Variants in SLC30A3 observed in about 807,000 individuals in gnomAD.
The protein encoded by SLC30A3 is probable proton-coupled zinc antiporter SLC30A3.
Under a neutral mutation model 35.6 loss-of-function variants are expected in SLC30A3, and 20 were observed. That is an observed-to-expected ratio of 0.56 (90% CI 0.39 to 0.82). SLC30A3 has a LOEUF of 0.82. SLC30A3 is among the 40% of genes least tolerant of loss of function. The pLI, the probability that SLC30A3 is intolerant of heterozygous loss-of-function variation, is 0.00. For synonymous variants in SLC30A3, 217 were observed against 224.7 expected (o/e 0.97, Z 0.31); for missense variants, 401 against 530.6 (o/e 0.76, Z 2.40).
upstream of SLC30A3, chr2:27,263,065 A>T (rs1403564697): frequency 7.4e-7 from 1 of 1,359,292 alleles, no homozygotes; most frequent in Non-Finnish European, 9.4e-7. Context: ...GCGGAGTCCG[A>T]ACTGCAGATC....
chr2:27,272,584 C>T (rs1677772590), intron 1 of SLC30A3, among the ~76,000 whole-genome samples: 1 of 151,374 alleles, frequency 6.6e-6, no homozygotes, highest in Admixed American at 6.6e-5. Context: ...ACCTCCGCCA[C>T]ACCCAGCTAA....
chr2:27,260,990 T>G (rs1260698770), intron 1 of SLC30A3, among the ~76,000 whole-genome samples: 1 of 151,972 alleles, frequency 6.6e-6, no homozygotes, highest in African/African-American at 2.4e-5. Context: ...TAAGGACAGG[T>G]TGATGCTAGG....
In SLC30A3 at chr2:27,255,563, C is replaced by A; in HGVS notation, c.1019-103G>T. The A allele has an allele frequency of 1.3e-5, 17 of 1,278,608 alleles. No individual in the cohort carries two copies. Among genetic ancestry groups the A allele is most frequent in the Non-Finnish European group, 1.4e-5 (13 of 910,452 alleles). 79.2% of individuals were successfully genotyped at this position (1,278,608 alleles called of 1,614,324 possible). A position where few individuals can be genotyped will look rare whatever the true frequency, so the allele number is the denominator to read the frequency against. On this transcript the variant is annotated intron_variant, in intron 7 of 7. Transcript: ENST00000233535. This position sits in a 1 kb window ranked among gnomAD's most constrained non-coding sequence, Gnocchi z 5.2. Reference sequence around the variant, plus strand: ...GGGGCTGCACAGCATTAAAGCCAGGCGTGAATGGAAGCCTGCTTTTCTTTC... The same window carrying A: ...GGGGCTGCACAGCATTAAAGCCAGGAGTGAATGGAAGCCTGCTTTTCTTTC...
chr2:27,259,290 C>A (rs1170258463), intron 1 of SLC30A3, among the ~76,000 whole-genome samples: 2 of 152,054 alleles, frequency 1.3e-5, no homozygotes, highest in African/African-American at 4.8e-5. Flanking sequence ...GTCAGGAGAT[C>A]GAGACCATCC....
Position 27,258,246 on chromosome 2 carries a change from C to T in SLC30A3, c.339G>A (p.Val113=). ...AGAAGAGGCTGCCCATCATGCTGCC[C>T]ACATCCGCCAGCAAGTGGGCTGCAT... ...MTDAAHLLAD[V]GSMMGSLFSL... is the part of the protein sequence containing the mutation. The change falls in exon 3 of 8, where the codon GTG becomes GTA. Residue 113 remains valine, a synonymous_variant. Transcript: ENST00000233535. This position sits in a 1 kb window ranked among gnomAD's most constrained non-coding sequence, Gnocchi z 4.0. 2 of 1,575,224 alleles carry T rather than the reference C, an allele frequency of 1.3e-6. No homozygotes were observed. The highest frequency in any genetic ancestry group is 1.7e-6 in the Non-Finnish European group (2 of 1,158,234).
rs1677026356 is a variant in SLC30A3 at position 27,258,867 on chromosome 2, A to C, written c.163T>G (p.Cys55Gly). 6.2e-7 allele frequency: 1 copy of C among 1,614,042 alleles called. No homozygotes were observed. Among genetic ancestry groups the C allele is most frequent in the Non-Finnish European group, 8.5e-7 (1 of 1,179,960 alleles). Residue 55 changes from cysteine (C) to glycine (G), a missense_variant, in exon 2 of 8, where the codon TGC (cysteine) becomes GGC (glycine). This residue lies in a region of SLC30A3 where 103 missense variants were observed against 120.7 expected (regional missense o/e 0.85). Transcript: ENST00000233535. The surrounding 1 kb of genome is among the most constrained non-coding windows in gnomAD (Gnocchi z 4.0). ...GGCGGCGGAAGGGGGTCCCTGTGGC[A>C]GTGGTGGAAGGGCATCTCCACAGGT... ...SKPVEMPFHH[C>G]HRDPLPPPGL... is the part of the protein sequence containing the mutation.
chr2:27,272,076 C>T (rs889223648), intron 1 of SLC30A3, among the ~76,000 whole-genome samples: 4 of 152,140 alleles, frequency 2.6e-5, no homozygotes, highest in Non-Finnish European at 5.9e-5. Context: ...AGGAGTGTCT[C>T]GGAAAAGCCT....
At chr2:27,268,435 C>T (rs1677586301) in intron 1 of SLC30A3, among the ~76,000 whole-genome samples, 1 of 152,244 alleles carries the variant, frequency 6.6e-6, no homozygotes, top group Middle Eastern at 3.4e-3. Context: ...ATATTTAGTG[C>T]GGAGACCTGT....
Position 27,256,387 on chromosome 2 carries a change from G to A in SLC30A3, c.1017C>T (p.Ile339=), listed in dbSNP as rs140122355. The A allele has an allele frequency of 3.7e-5, 59 of 1,613,896 alleles. No individual in the cohort carries two copies. The Admixed American group carries it at 4.0e-4, about 11-fold the overall frequency. The stretch of plus-strand genomic sequence containing the variant: ...CTAGCTGGGGCCAGTGTGACTCACC[G>A]ATGGCCAGGTGTGCAGAGGCAACAT... ...TYHVASAHLA[I]DSTADPEAVL... Residue 339 remains isoleucine, a splice_region_variant and synonymous_variant, in exon 7 of 8, where the codon ATC becomes ATT. Coordinates refer to ENST00000233535, the MANE Select transcript of SLC30A3 (RefSeq NM_003459.5).
Position 27,254,558 on chromosome 2 carries a change from C to T in SLC30A3, c.*754G>A, listed in dbSNP as rs1216660102. ...ACTTCCCCCTCCTGAGGAGTCAGCACACAGGCTGAAAGATGCAGTGAGACA... is the reference window on the plus strand; with the variant it reads ...ACTTCCCCCTCCTGAGGAGTCAGCATACAGGCTGAAAGATGCAGTGAGACA... On this transcript the variant is annotated 3_prime_UTR_variant, in exon 8 of 8. Transcript: ENST00000233535. 1.1e-4 allele frequency: 16 copies of T among 145,674 alleles called. No individual in the cohort carries two copies. Among genetic ancestry groups the T allele is most frequent in the South Asian group, 2.0e-4 (1 of 4,900 alleles). 9.0% of individuals were successfully genotyped at this position (145,674 alleles called of 1,614,324 possible).
At chr2:27,256,615 C>T (rs1159967563) in intron 6 of SLC30A3, 95 bp from the exon 7 acceptor site, 8 of 1,533,168 alleles carry the variant, frequency 5.2e-6, no homozygotes, top group African/African-American at 1.4e-5. Context: ...ATCCTGTATG[C>T]ACTCTCCTTT....
chr2:27,267,073 C>T (rs1677528343), upstream of SLC30A3, among the ~76,000 whole-genome samples: 1 of 152,090 alleles, frequency 6.6e-6, no homozygotes, highest in Admixed American at 6.6e-5. Context: ...CCATCCTGAA[C>T]CTTCTCTTTC....
Position 27,257,744 on chromosome 2 carries a change from C to G in SLC30A3, c.578+161G>C, listed in dbSNP as rs1676946895. The G allele has an allele frequency of 3.9e-5, 28 of 721,544 alleles. No individual in the cohort carries two copies. In the South Asian group the frequency reaches 5.2e-4, roughly 13 times the overall value. 44.7% of individuals were successfully genotyped at this position (721,544 alleles called of 1,614,324 possible). Reference sequence around the variant, plus strand: ...GAGATCTGCTGACTGAATTTTAGGTCTCTATCCCAGACCCTTCTCAGGCAC... The same window carrying G: ...GAGATCTGCTGACTGAATTTTAGGTGTCTATCCCAGACCCTTCTCAGGCAC... On this transcript the variant is annotated intron_variant, in intron 4 of 7. Coordinates refer to ENST00000233535, the MANE Select transcript of SLC30A3 (RefSeq NM_003459.5). This position sits in a 1 kb window ranked among gnomAD's most constrained non-coding sequence, Gnocchi z 4.7.
intron 7 of SLC30A3, 179 bp downstream of exon 7, chr2:27,256,207 C>T: frequency 1.4e-6 from 1 of 706,196 alleles, no homozygotes; most frequent in Non-Finnish European, 2.4e-6. Flanking sequence ...TTGTCTCCAA[C>T]ATGCACGAGC....
chr2:27,256,289 A>G, intron 7 of SLC30A3, 97 bp downstream of exon 7: 1 of 1,430,626 alleles, frequency 7.0e-7, no homozygotes, highest in Non-Finnish European at 9.8e-7. Flanking sequence ...AGACAGATCA[A>G]AAAAGACTGA....
At chr2:27,265,203 G>C (rs1337900295), upstream of SLC30A3, among the ~76,000 whole-genome samples, 6 of 152,242 alleles carry the variant, frequency 3.9e-5, no homozygotes, top group Non-Finnish European at 5.9e-5. This position sits in a 1 kb window ranked among gnomAD's most constrained non-coding sequence, Gnocchi z 5.9. Context: ...GCCAGGAGGG[G>C]GCGCAGACGC....
chr2:27,266,185 A>G (rs1490693466), upstream of SLC30A3, among the ~76,000 whole-genome samples: 1 of 151,566 alleles, frequency 6.6e-6, no homozygotes, highest in Non-Finnish European at 1.5e-5. Context: ...TCAGCCTCCC[A>G]AAGTGCTGGG....
At chr2:27,264,745 C>A (rs779714539), upstream of SLC30A3, among the ~76,000 whole-genome samples, 1 of 152,214 alleles carries the variant, frequency 6.6e-6, no homozygotes, top group African/African-American at 2.4e-5. This position sits in a 1 kb window ranked among gnomAD's most constrained non-coding sequence, Gnocchi z 6.1. Flanking sequence ...CGGGACTTGA[C>A]GGACCTCTGT....
At chr2:27,266,076 T>C (rs78747263), upstream of SLC30A3, among the ~76,000 whole-genome samples, 3 of 150,626 alleles carry the variant, frequency 2.0e-5, no homozygotes, top group African/African-American at 7.4e-5. Flanking sequence ...TTTTTTTTTT[T>C]GGAAACAGGG....
Sources: allele counts gnomAD v4.1 joint callset (sites outside exome capture counted in the v4.1 genomes callset), GRCh38; gene constraint gnomAD v4.1.1; regional missense constraint gnomAD v4.1.1; non-coding constraint Gnocchi (gnomAD v3.1); transcripts MANE v1.5; gene names NCBI Gene and HGNC (gene_info 2026-07-23, HGNC 2026-07-21).